Variants in ABHD2 observed in about 807,000 individuals in gnomAD.
The protein encoded by ABHD2 is abhydrolase domain containing 2, acylglycerol lipase.
A neutral mutation model predicts 48.1 loss-of-function variants in ABHD2; 20 were observed. The ratio of observed to expected loss-of-function variants is 0.42; its 90% CI spans 0.29 to 0.60. The LOEUF (loss-of-function observed/expected upper bound fraction) is 0.60, where lower values mean the gene tolerates loss of function less well. Ranked by LOEUF, ABHD2 falls within the 20% of genes least tolerant of loss-of-function variation. ABHD2 has a pLI of 0.24. For synonymous variants in ABHD2, 209 were observed against 214.2 expected (o/e 0.98, Z 0.21); for missense variants, 405 against 550.9 (o/e 0.74, Z 2.65).
At chr15:89,133,164 G>A (rs919660584) in intron 3 of ABHD2, among the ~76,000 whole-genome samples, 7 of 152,126 alleles carry the variant, frequency 4.6e-5, no homozygotes, top group Non-Finnish European at 8.8e-5. Context: ...GTCGGCTCTT[G>A]TTTATCCTTC....
intron 5 of ABHD2, among the ~76,000 whole-genome samples, chr15:89,169,682 T>C (rs138187684): frequency 6.2e-4 from 95 of 152,320 alleles, no homozygotes; most frequent in African/African-American, 2.1e-3. Flanking sequence ...GCACAAACCA[T>C]TGCTCCAGCA....
rs1211194149 is a variant in ABHD2, at chr15:89,102,099, T to C, written c.-106-11626T>C. ...CTGCCACTGCTCCAAAACACACCCCTCTTGTCCATCTGCCCATTTCCTGAC... is the reference window on the plus strand; with the variant it reads ...CTGCCACTGCTCCAAAACACACCCCCCTTGTCCATCTGCCCATTTCCTGAC... On this transcript the variant is annotated intron_variant, in intron 1 of 10. Coordinates refer to ENST00000352732, the MANE Select transcript of ABHD2 (RefSeq NM_152924.5). This position sits in a 1 kb window ranked among gnomAD's most constrained non-coding sequence, Gnocchi z 4.8. 6.6e-6 allele frequency among the ~76,000 whole-genome samples: 1 copy of C among 152,130 alleles called. No homozygotes were observed. The highest frequency in any genetic ancestry group is 2.4e-5 in the African/African-American group (1 of 41,418).
the ABHD2 span, among the ~76,000 whole-genome samples, chr15:89,082,287 C>T: frequency 6.6e-6 from 1 of 152,198 alleles, no homozygotes; most frequent in East Asian, 1.9e-4. The surrounding 1 kb of genome is among the most constrained non-coding windows in gnomAD (Gnocchi z 4.4). Flanking sequence ...ATGTGGTTTG[C>T]AGATGCCTGG....
At chr15:89,135,740 T>C (rs1427477089) in intron 3 of ABHD2, 1 of 1,094,442 alleles carries the variant, frequency 9.1e-7, no homozygotes, top group Non-Finnish European at 1.4e-6. Flanking sequence ...CTTCTTTTTA[T>C]AAGGCTGCCT....
At chr15:89,158,101 T>C (rs1312983393) in intron 5 of ABHD2, among the ~76,000 whole-genome samples, 1 of 152,078 alleles carries the variant, frequency 6.6e-6, no homozygotes, top group Non-Finnish European at 1.5e-5. Flanking sequence ...AACAGTACAG[T>C]GTGAACACTT....
chr15:89,159,950 C>T (rs1272716042), intron 5 of ABHD2, among the ~76,000 whole-genome samples: 1 of 152,090 alleles, frequency 6.6e-6, no homozygotes, highest in Admixed American at 6.5e-5. Context: ...TTAATAATTT[C>T]TTTTAACCAT....
chr15:89,084,926 A>G (rs543678318), upstream of ABHD2, among the ~76,000 whole-genome samples: 1 of 152,332 alleles, frequency 6.6e-6, no homozygotes, highest in African/African-American at 2.4e-5. This position sits in a 1 kb window ranked among gnomAD's most constrained non-coding sequence, Gnocchi z 4.4. Context: ...GCTAGGAAGG[A>G]TGGAATCAGG....
At chr15:89,054,150 C>T in the ABHD2 span, among the ~76,000 whole-genome samples, 4 of 151,902 alleles carry the variant, frequency 2.6e-5, no homozygotes, top group African/African-American at 7.3e-5. Flanking sequence ...GATGAAACCC[C>T]GTCTCTACTA....
chr15:89,143,977 C>T (rs185682728), intron 3 of ABHD2, among the ~76,000 whole-genome samples: 2 of 152,140 alleles, frequency 1.3e-5, no homozygotes, highest in Admixed American at 6.5e-5. Flanking sequence ...TTTGGAGTAT[C>T]CCCAAAAAGT....
intron 10 of ABHD2, among the ~76,000 whole-genome samples, chr15:89,194,366 G>C (rs1442692679): frequency 6.6e-6 from 1 of 151,920 alleles, no homozygotes; most frequent in Non-Finnish European, 1.5e-5. Flanking sequence ...AGGCGTGGTG[G>C]TACATGCTAC....
the ABHD2 span, among the ~76,000 whole-genome samples, chr15:89,054,100 T>C: frequency 2.0e-5 from 3 of 152,100 alleles, no homozygotes; most frequent in Admixed American, 6.6e-5. Context: ...GGCAGGCAGG[T>C]CACCTGAGGT....
chr15:89,182,685 C>T lies in ABHD2; in HGVS notation c.723-2739C>T, dbSNP rs954665643. Among the ~76,000 whole-genome samples, 48 of 152,216 alleles carry T rather than the reference C, an allele frequency of 3.2e-4. 2 individuals are homozygous for T. Among genetic ancestry groups the T allele is most frequent in the East Asian group, 3.9e-4 (2 of 5,178 alleles). ...GCACACACCTGTAGTCCCAGCTACT[C>T]GGGAGTCTGAAGCAGGAGAATCGCT... On this transcript the variant is annotated intron_variant, in intron 6 of 10. Transcript: ENST00000352732. This position sits in a 1 kb window ranked among gnomAD's most constrained non-coding sequence, Gnocchi z 4.8.
At chr15:89,191,921 C>G (rs1159026542) in intron 9 of ABHD2, among the ~76,000 whole-genome samples, 1 of 113,920 alleles carries the variant, frequency 8.8e-6, no homozygotes. Context: ...GACACCATGC[C>G]CAGCTGAGAT....
At chr15:89,136,301 CTTT>C (rs1053690498) in intron 3 of ABHD2, 1 of 457,186 alleles carries the variant, frequency 2.2e-6, no homozygotes, top group Non-Finnish European at 4.3e-6. Context: ...CCCTGTCTGC[CTTT>C]GCCATATCTT....
Position 89,116,063 on chromosome 15 carries a change from A to C in ABHD2, c.-6-259A>C, listed in dbSNP as rs961954108. The stretch of plus-strand genomic sequence containing the variant: ...CAATTTTCTGATTTGCTCATCTTAG[A>C]AATGCTTGTGAAATTATAAAAAGAA... On this transcript the variant is annotated intron_variant, in intron 2 of 10. Coordinates refer to ENST00000352732, the MANE Select transcript of ABHD2 (RefSeq NM_152924.5). This position sits in a 1 kb window ranked among gnomAD's most constrained non-coding sequence, Gnocchi z 4.6. Among the ~76,000 whole-genome samples, 10 of 152,222 alleles carry C rather than the reference A, an allele frequency of 6.6e-5. No individual in the cohort carries two copies. Among genetic ancestry groups the C allele is most frequent in the African/African-American group, 2.2e-4 (9 of 41,462 alleles).
At chr15:89,109,394 G>A (rs2049838344) in intron 1 of ABHD2, among the ~76,000 whole-genome samples, 1 of 152,166 alleles carries the variant, frequency 6.6e-6, no homozygotes, top group Non-Finnish European at 1.5e-5. Context: ...GAAGGTGTGG[G>A]CTAGCCGACA....
chr15:89,165,781 T>TA (rs1257876722), intron 5 of ABHD2, among the ~76,000 whole-genome samples: 1 of 152,214 alleles, frequency 6.6e-6, no homozygotes, highest in East Asian at 1.9e-4. Flanking sequence ...CATGTTGGCT[T>TA]ACTCTTTATT....
intron 3 of ABHD2, among the ~76,000 whole-genome samples, chr15:89,138,219 C>T (rs1447958775): frequency 6.6e-6 from 1 of 152,232 alleles, no homozygotes; most frequent in Non-Finnish European, 1.5e-5. Context: ...CCTGTGTGCA[C>T]ACACATGCAT....
Position 89,155,260 on chromosome 15 carries a change from T to G in ABHD2, c.371-107T>G. ...TCCCCAGAGAACTGAGTGAAAGATG[T>G]ATGTTGAATTCCCTCCCCTTGTTTT... is the stretch of plus-strand genomic sequence containing the variant. On this transcript the variant is annotated intron_variant, in intron 4 of 10. Transcript: ENST00000352732. This position sits in a 1 kb window ranked among gnomAD's most constrained non-coding sequence, Gnocchi z 4.9. 8.1e-7 allele frequency: 1 copy of G among 1,233,312 alleles called. No homozygotes were observed. 76.4% of individuals were successfully genotyped at this position (1,233,312 alleles called of 1,614,324 possible).
Sources: allele counts gnomAD v4.1 joint callset (sites outside exome capture counted in the v4.1 genomes callset), GRCh38; gene constraint gnomAD v4.1.1; non-coding constraint Gnocchi (gnomAD v3.1); transcripts MANE v1.5; gene names NCBI Gene and HGNC (gene_info 2026-07-23, HGNC 2026-07-21).